PARP14: variants seen among roughly 807,000 people sequenced by gnomAD.
PARP14 encodes the protein poly(ADP-ribose) polymerase family member 14.
A neutral mutation model predicts 154.2 loss-of-function variants in PARP14; 59 were observed. The ratio of observed to expected loss-of-function variants is 0.38; its 90% CI spans 0.31 to 0.48. The LOEUF is 0.48. Among genes scored for constraint, PARP14 ranks in the 20% least tolerant of loss-of-function variants. PARP14 has a pLI of 0.98. For synonymous variants in PARP14, 720 were observed against 780.5 expected, an observed-to-expected ratio of 0.92 and a Z score of 1.29; for missense variants, 1,734 against 2,131.6, an observed-to-expected ratio of 0.81 and a Z score of 3.67.
intron 15 of PARP14, among the ~76,000 whole-genome samples, chr3:122,726,072 G>A (rs1933280080): frequency 6.6e-6 from 1 of 152,066 alleles, no homozygotes; most frequent in African/African-American, 2.4e-5. Flanking sequence ...TCTCTCTTCT[G>A]CTTTTTGTGT....
rs1486967382 is a variant in PARP14 at position 122,724,155 on chromosome 3, T to C, written c.4942-3657T>C. ...TCGTGCCTGGAATCAGACATTTTTC[T>C]AAGAAGCCATGTTACCTTTTAGTGG... On this transcript the variant is annotated intron_variant, in intron 15 of 16. Transcript: ENST00000474629. Among the ~76,000 whole-genome samples the C allele has an allele frequency of 2.0e-5, 3 of 152,168 alleles. No homozygotes were observed. In the East Asian group the frequency reaches 5.8e-4, roughly 29 times the overall value.
intron 2 of PARP14, among the ~76,000 whole-genome samples, chr3:122,685,674 T>A (rs569956453): frequency 9.2e-5 from 14 of 152,220 alleles, no homozygotes; most frequent in African/African-American, 3.4e-4. Flanking sequence ...TATGCCCAGA[T>A]AATTTTTATA....
chr3:122,694,526 A>G (rs1370061687), intron 4 of PARP14, among the ~76,000 whole-genome samples: 2 of 152,112 alleles, frequency 1.3e-5, no homozygotes, highest in Non-Finnish European at 2.9e-5. Flanking sequence ...TGGGCCCACC[A>G]TCAATACTTA....
chr3:122,680,934 C>G lies in PARP14; in HGVS notation c.51C>G (p.Pro17=). The part of the protein sequence containing the change: ...FPLLVEGSWG[P]DPPKNLNTKL... ...TGCTGGTCGAGGGCTCCTGGGGCCC[C>G]GACCCCCCGAAGAACTTGAACACCA... Residue 17 remains proline, a synonymous_variant, in exon 1 of 17, where the codon CCC becomes CCG. Transcript: ENST00000474629. 6.2e-7 allele frequency: 1 copy of G among 1,612,736 alleles called. No individual in the cohort carries two copies.
intron 4 of PARP14, among the ~76,000 whole-genome samples, chr3:122,693,851 A>AAAAAAG (rs1382523046): frequency 4.0e-5 from 6 of 148,268 alleles, no homozygotes; most frequent in African/African-American, 1.5e-4. Flanking sequence ...TGAAAAAAAA[A>AAAAAAG]AAAAGAAAAG....
chr3:122,686,887 A>C lies in PARP14; in HGVS notation c.322-193A>C, dbSNP rs1296920217. 4 of 524,910 alleles carry C rather than the reference A, an allele frequency of 7.6e-6. No individual in the cohort carries two copies. In the Admixed American group the frequency reaches 1.4e-4, roughly 18 times the overall value. The allele number at this position is 524,910 out of a possible 1,614,324, so 32.5% of individuals were successfully genotyped here. A position where few individuals can be genotyped will look rare whatever the true frequency, so the allele number is the denominator to read the frequency against. On this transcript the variant is annotated intron_variant, in intron 2 of 16. Transcript: ENST00000474629. ...TTTCTGTTATTTGTGTCTCATCTTC[A>C]TTGGTGATTTTTGTGACTTGCAAGT...
In PARP14 at chr3:122,713,938, A is replaced by G. The variant is rs575408485; in HGVS notation, c.3832+4A>G. The G allele has an allele frequency of 1.9e-6, 3 of 1,610,698 alleles. No individual in the cohort carries two copies. Among genetic ancestry groups the G allele is most frequent in the Admixed American group, 3.3e-5 (2 of 60,010 alleles). On this transcript the variant is annotated splice_donor_region_variant and intron_variant, in intron 11 of 16. Transcript: ENST00000474629. ...GAAAGGGAATGTTCTCAGCAAGGTA[A>G]GGCATATTCTATTTTTTGGTCCTAA...
At chr3:122,714,690 TA>T (rs34413896) in intron 12 of PARP14, among the ~76,000 whole-genome samples, 13,313 of 152,168 alleles carry the variant, frequency 0.087, 679 homozygotes, top group East Asian at 0.13. Flanking sequence ...GAAGGGAAAA[TA>T]AGGAGGAGAA....
chr3:122,705,915 A>G (rs759289641), intron 8 of PARP14, among the ~76,000 whole-genome samples: 16 of 152,208 alleles, frequency 1.1e-4, no homozygotes, highest in Admixed American at 2.0e-4. Context: ...TTTTAAAATA[A>G]TTTCCCTATG....
rs773960889 is a variant in PARP14, at chr3:122,703,904, T to C, written c.3244T>C (p.Trp1082Arg). The change falls in exon 7 of 17, where the codon TGG becomes CGG. Residue 1082 changes from tryptophan (W) to arginine (R), a missense_variant. Physicochemically the swap from Trp to Arg is moderately radical, Grantham distance 101. Around this residue, in one of 2 missense-constraint regions of PARP14, gnomAD observed 1,646 missense variants for 1,976.0 expected, o/e 0.83. Coordinates refer to ENST00000474629, the MANE Select transcript of PARP14 (RefSeq NM_017554.3). ...SMGTVLKTSS[W>R]NLDCRYVLHV... is the part of the protein sequence containing the mutation. ...GGGCACAGTGCTCAAAACCAGCAGCTGGAATCTGGACTGTCGCTATGTGCT... is the reference window on the plus strand; with the variant it reads ...GGGCACAGTGCTCAAAACCAGCAGCCGGAATCTGGACTGTCGCTATGTGCT... The C allele has an allele frequency of 6.2e-7, 1 of 1,614,026 alleles. No homozygotes were observed. Among genetic ancestry groups the C allele is most frequent in the South Asian group, 1.1e-5 (1 of 91,084 alleles).
intron 10 of PARP14, 33 bp from the exon 11 acceptor site, chr3:122,713,839 C>T: frequency 1.3e-6 from 2 of 1,482,764 alleles, no homozygotes; most frequent in Non-Finnish European, 1.9e-6. Flanking sequence ...GTTTTTTACT[C>T]ATGTTTGTTA....
intron 4 of PARP14, among the ~76,000 whole-genome samples, chr3:122,693,746 T>A (rs1032094264): frequency 6.7e-6 from 1 of 149,830 alleles, no homozygotes; most frequent in Non-Finnish European, 1.5e-5. Context: ...GAGGCTGAGG[T>A]GGAAGGATCA....
Position 122,703,902 on chromosome 3 carries a change from G to C in PARP14, c.3242G>C (p.Ser1081Thr), listed in dbSNP as rs768503787. 4 of 1,614,010 alleles carry C rather than the reference G, an allele frequency of 2.5e-6. No homozygotes were observed. The South Asian group carries it at 4.4e-5, about 18-fold the overall frequency. The change falls in exon 7 of 17, where the codon AGC becomes ACC. Residue 1081 changes from serine (S) to threonine (T), a missense_variant. Physicochemically the swap from Ser to Thr is moderately conservative, Grantham distance 58. Coordinates refer to ENST00000474629, the MANE Select transcript of PARP14 (RefSeq NM_017554.3). Reference sequence around the variant, plus strand: ...ATGGGCACAGTGCTCAAAACCAGCAGCTGGAATCTGGACTGTCGCTATGTG... The same window carrying C: ...ATGGGCACAGTGCTCAAAACCAGCACCTGGAATCTGGACTGTCGCTATGTG... Reference protein sequence around the residue: ...VSMGTVLKTSSWNLDCRYVLH... With the variant: ...VSMGTVLKTSTWNLDCRYVLH...
At chr3:122,727,217 C>T (rs1379568437) in intron 15 of PARP14, among the ~76,000 whole-genome samples, 1 of 152,150 alleles carries the variant, frequency 6.6e-6, no homozygotes, top group African/African-American at 2.4e-5. Flanking sequence ...AGTAGAACTG[C>T]AACCCAGGAC....
intron 7 of PARP14, among the ~76,000 whole-genome samples, 169 bp downstream of exon 7, chr3:122,704,147 T>G (rs1032030716): frequency 2.0e-5 from 3 of 152,234 alleles, no homozygotes; most frequent in African/African-American, 4.8e-5. Flanking sequence ...AGCTGACTTC[T>G]CCTGAGGACT....
chr3:122,696,552 C>T (rs1938785044), intron 5 of PARP14, among the ~76,000 whole-genome samples: 2 of 152,120 alleles, frequency 1.3e-5, no homozygotes, highest in Non-Finnish European at 2.9e-5. Flanking sequence ...GTCACATATT[C>T]AAATCTCCCT....
At position 122,711,307 on chromosome 3, in the gene PARP14, ATTT is replaced by A. The variant is rs1939313700; in HGVS notation, c.3620-2115_3620-2113del. ...GGTTTTTATAATAAAGTGGTGCTGG[ATTT>A]TATCAGATGCTTTTTCTGCATCTAT... On this transcript the variant is annotated intron_variant, in intron 9 of 16. Transcript: ENST00000474629. Among the ~76,000 whole-genome samples the A allele has an allele frequency of 1.3e-5, 2 of 152,100 alleles. 1 individual carries two copies. Among genetic ancestry groups the A allele is most frequent in the Admixed American group, 1.3e-4 (2 of 15,274 alleles).
Position 122,700,069 on chromosome 3 carries a change from T to C in PARP14, c.1515T>C (p.Thr505=), listed in dbSNP as rs562380859. 1 of 1,613,868 alleles carries C rather than the reference T, an allele frequency of 6.2e-7. No individual in the cohort carries two copies. The highest frequency in any genetic ancestry group is 2.2e-5 in the East Asian group (1 of 44,882). ...TAGAGATTTGTTACGATAGAGTCAC[T>C]CAACACTTGTGCTTGAAAGGACCTA... is the stretch of plus-strand genomic sequence containing the variant. ...PEIEICYDRV[T]QHLCLKGPSA... Residue 505 remains threonine, a synonymous_variant, in exon 6 of 17, where the codon ACT becomes ACC. Coordinates refer to ENST00000474629, the MANE Select transcript of PARP14 (RefSeq NM_017554.3).
At chr3:122,706,480 C>G (rs1279073187) in intron 8 of PARP14, among the ~76,000 whole-genome samples, 1 of 152,108 alleles carries the variant, frequency 6.6e-6, no homozygotes, top group Non-Finnish European at 1.5e-5. Context: ...AAAAATTTTA[C>G]ATAAAACTCT....
Sources: allele counts gnomAD v4.1 joint callset (sites outside exome capture counted in the v4.1 genomes callset), GRCh38; gene constraint gnomAD v4.1.1; regional missense constraint gnomAD v4.1.1; transcripts MANE v1.5; gene names NCBI Gene and HGNC (gene_info 2026-07-23, HGNC 2026-07-21).